The following SSH2 variants were observed in gnomAD, a reference collection of about 807,000 sequenced individuals.
SSH2 encodes the protein slingshot protein phosphatase 2.
SSH2 carries 37 observed loss-of-function variants against 135.2 expected under a neutral mutation model. The observed-to-expected ratio is 0.27, with a 90% CI of 0.21 to 0.36. The LOEUF (loss-of-function observed/expected upper bound fraction) is 0.36, where lower values mean the gene tolerates loss of function less well. SSH2 is among the 10% of genes least tolerant of loss of function. The pLI is 1.00. For synonymous variants in SSH2, 628 were observed against 646.2 expected (o/e 0.97, Z 0.43); for missense variants, 1,408 against 1,765.3 (o/e 0.80, Z 3.63).
intron 2 of SSH2, among the ~76,000 whole-genome samples, chr17:29,818,258 T>TC (rs1205361238): frequency 1.3e-5 from 2 of 151,850 alleles, no homozygotes; most frequent in East Asian, 3.9e-4. Context: ...CCTTTTTTTT[T>TC]TTTTTTAAGA....
chr17:29,632,931 C>G lies in SSH2; in HGVS notation c.2263G>C (p.Ala755Pro). ...ESSMDEEQSK[A>P]ISELVSPDIF... ...TCTGGGCTGACCAGTTCTGAAATTG[C>G]CTAAGAAGAGAAAGTAGTGAGAAGA... Residue 755 changes from alanine to proline, a missense_variant and splice_region_variant, in exon 16 of 16, where the codon GCA becomes CCA. Ala to Pro is a conservative substitution (Grantham distance 27). Coordinates refer to ENST00000540801, the MANE Select transcript of SSH2 (RefSeq NM_001282129.2). The G allele has an allele frequency of 6.3e-7, 1 of 1,591,086 alleles. No individual in the cohort carries two copies. Among genetic ancestry groups the G allele is most frequent in the African/African-American group, 1.3e-5 (1 of 74,092 alleles).
intron 1 of SSH2, among the ~76,000 whole-genome samples, chr17:29,851,129 A>C (rs984828702): frequency 6.6e-6 from 1 of 152,242 alleles, no homozygotes; most frequent in South Asian, 2.1e-4. Context: ...AAATATTTGA[A>C]GACTTCTGGA....
chr17:29,698,428 C>T (rs546643803), intron 4 of SSH2, among the ~76,000 whole-genome samples: 2 of 152,242 alleles, frequency 1.3e-5, no homozygotes, highest in South Asian at 4.1e-4. Flanking sequence ...TAGGTATAAA[C>T]AGTGAAAAGC....
At chr17:29,690,413 A>C (rs997332486) in intron 5 of SSH2, among the ~76,000 whole-genome samples, 1 of 151,820 alleles carries the variant, frequency 6.6e-6, no homozygotes, top group Non-Finnish European at 1.5e-5. Context: ...TCAAAAAAAA[A>C]AAAAAAAAGA....
At chr17:29,854,252 C>A (rs561528835) in intron 1 of SSH2, among the ~76,000 whole-genome samples, 232 of 151,962 alleles carry the variant, frequency 1.5e-3, no homozygotes, top group Middle Eastern at 3.4e-3. Context: ...ACCCCTACTG[C>A]GTATTAAGCA....
chr17:29,733,398 C>A (rs1018053212), intron 3 of SSH2, among the ~76,000 whole-genome samples: 14 of 152,202 alleles, frequency 9.2e-5, no homozygotes, highest in Non-Finnish European at 1.0e-4. Context: ...AAACATACTT[C>A]TGAAACATAA....
intron 3 of SSH2, among the ~76,000 whole-genome samples, chr17:29,732,221 TTTTC>T (rs745908680): frequency 3.3e-5 from 5 of 152,210 alleles, no homozygotes; most frequent in Non-Finnish European, 5.9e-5. Context: ...GGATAAAATA[TTTTC>T]TTTCTTCTTA....
chr17:29,901,802 GAC>G (rs1321298733), intron 1 of SSH2, among the ~76,000 whole-genome samples: 2 of 150,568 alleles, frequency 1.3e-5, no homozygotes, highest in African/African-American at 2.5e-5. Flanking sequence ...CTTGTTAAGA[GAC>G]AGTGTCTTTC....
At chr17:29,808,372 G>A (rs1001642352) in intron 2 of SSH2, among the ~76,000 whole-genome samples, 6 of 152,168 alleles carry the variant, frequency 3.9e-5, no homozygotes, top group African/African-American at 1.4e-4. Flanking sequence ...CAGGTGATCC[G>A]CCCGCCTCGG....
intron 2 of SSH2, among the ~76,000 whole-genome samples, chr17:29,813,151 G>C (rs1196702596): frequency 3.3e-5 from 5 of 152,096 alleles, no homozygotes; most frequent in Non-Finnish European, 7.4e-5. Context: ...GGGAGGCTGA[G>C]GCGGGTGGAT....
chr17:29,816,413 T>C (rs1336113118), intron 2 of SSH2, among the ~76,000 whole-genome samples: 2 of 152,210 alleles, frequency 1.3e-5, no homozygotes, highest in East Asian at 1.9e-4. Flanking sequence ...GGGTTGCCTA[T>C]TCACTCTCCA....
chr17:29,682,503 A>G (rs186993503), intron 6 of SSH2, among the ~76,000 whole-genome samples: 70 of 152,342 alleles, frequency 4.6e-4, no homozygotes, highest in African/African-American at 1.6e-3. Context: ...AGACACGTGC[A>G]TGCTGTATGC....
intron 2 of SSH2, among the ~76,000 whole-genome samples, chr17:29,843,089 T>C (rs1389308299): frequency 6.6e-6 from 1 of 152,064 alleles, no homozygotes; most frequent in East Asian, 1.9e-4. Flanking sequence ...AGAGAGTAAA[T>C]ACAAATTATC....
chr17:29,771,533 A>AAGGAGTAGCCCTT (rs2041586527), intron 3 of SSH2, among the ~76,000 whole-genome samples: 1 of 152,212 alleles, frequency 6.6e-6, no homozygotes. Context: ...CTCACTAAAT[A>AAGGAGTAGCCCTT]AGGAGTAGCC....
intron 3 of SSH2, among the ~76,000 whole-genome samples, chr17:29,731,431 TTATTTA>T (rs1191067276): frequency 2.4e-4 from 20 of 84,460 alleles, no homozygotes; most frequent in African/African-American, 2.2e-4. Context: ...ATTTATTTAT[TTATTTA>T]TTTATTTATT....
intron 3 of SSH2, among the ~76,000 whole-genome samples, chr17:29,781,472 T>C (rs573652450): frequency 1.4e-5 from 2 of 143,184 alleles, no homozygotes; most frequent in South Asian, 4.3e-4. Context: ...TCCTGTGTTT[T>C]CTTTTTTTTT....
intron 2 of SSH2, among the ~76,000 whole-genome samples, chr17:29,803,781 A>G (rs1218315025): frequency 6.6e-6 from 1 of 152,212 alleles, no homozygotes; most frequent in Non-Finnish European, 1.5e-5. Flanking sequence ...GCTATTTAGG[A>G]GGGCAAAGCA....
At chr17:29,817,967 G>A (rs1331211844) in intron 2 of SSH2, among the ~76,000 whole-genome samples, 1 of 151,640 alleles carries the variant, frequency 6.6e-6, no homozygotes, top group African/African-American at 2.4e-5. Flanking sequence ...ACAGGATCTT[G>A]CTGATTTACC....
chr17:29,659,413 G>A (rs1394622203), intron 11 of SSH2, among the ~76,000 whole-genome samples: 3 of 152,196 alleles, frequency 2.0e-5, no homozygotes, highest in Non-Finnish European at 1.5e-5. Flanking sequence ...GTGTCTCAGT[G>A]TAGTTTCAAT....
Sources: allele counts gnomAD v4.1 joint callset (sites outside exome capture counted in the v4.1 genomes callset), GRCh38; gene constraint gnomAD v4.1.1; transcripts MANE v1.5; gene names NCBI Gene and HGNC (gene_info 2026-07-23, HGNC 2026-07-21).